Variants in IFT57 observed in about 807,000 individuals in gnomAD.
IFT57 encodes intraflagellar transport protein 57 homolog.
IFT57 carries 59 observed loss-of-function variants against 56.8 expected under a neutral mutation model. The observed-to-expected ratio is 1.04, with a 90% confidence interval of 0.84 to 1.29. The LOEUF is 1.29. Ranked by LOEUF, IFT57 falls within the 50% of genes most tolerant of loss-of-function variation. The pLI is 0.00. For synonymous variants in IFT57, 209 were observed against 186.1 expected (o/e 1.12, Z -1.00); for missense variants, 470 against 522.1 (o/e 0.90, Z 0.97).
At chr3:108,202,691 G>A (rs969032356) in intron 5 of IFT57, among the ~76,000 whole-genome samples, 12 of 152,230 alleles carry the variant, frequency 7.9e-5, no homozygotes, top group Admixed American at 6.5e-5. Flanking sequence ...GGAAGATGAA[G>A]CAATGCCTCA....
At chr3:108,175,832 G>A (rs326333) in intron 6 of IFT57, among the ~76,000 whole-genome samples, 68,641 of 151,362 alleles carry the variant, frequency 0.45, 16,025 homozygotes, top group Middle Eastern at 0.55. Context: ...CTTTGCGAGT[G>A]GAGAGGCATA....
chr3:108,173,231 G>A (rs1440622127), intron 6 of IFT57, among the ~76,000 whole-genome samples: 3 of 151,560 alleles, frequency 2.0e-5, no homozygotes, highest in Admixed American at 1.3e-4. Context: ...GTGATACACT[G>A]TTTGGGGATA....
At chr3:108,173,811 T>TAC (rs2080108485) in intron 6 of IFT57, among the ~76,000 whole-genome samples, 1 of 115,262 alleles carries the variant, frequency 8.7e-6, no homozygotes, top group Non-Finnish European at 1.9e-5. Context: ...TGTGTGTGTA[T>TAC]ATAATATAGT....
At chr3:108,183,436 C>T (rs1239111021) in intron 6 of IFT57, among the ~76,000 whole-genome samples, 3 of 152,158 alleles carry the variant, frequency 2.0e-5, no homozygotes, top group East Asian at 1.9e-4. Context: ...GGCTTCCCCA[C>T]TTTTGTGTGC....
At chr3:108,173,439 A>G (rs931688549) in intron 6 of IFT57, among the ~76,000 whole-genome samples, 1 of 151,720 alleles carries the variant, frequency 6.6e-6, no homozygotes, top group Non-Finnish European at 1.5e-5. Context: ...ATGGGGTACA[A>G]CCTGATACAC....
At chr3:108,167,255 C>A in intron 7 of IFT57, 1 of 307,648 alleles carries the variant, frequency 3.3e-6, no homozygotes, top group Non-Finnish European at 6.0e-6. Flanking sequence ...CTATAATTAG[C>A]ATTATATAAC....
At position 108,216,704 on chromosome 3, in the gene IFT57, A is replaced by G. The variant is rs553900587; in HGVS notation, c.494+1831T>C. 5.9e-5 allele frequency among the ~76,000 whole-genome samples: 9 copies of G among 152,358 alleles called. No individual in the cohort carries two copies. The South Asian group carries it at 1.4e-3, about 25-fold the overall frequency. ...TGTTTATTGCAGCACTATTCACAAT[A>G]CTCAAGATACGGAATCTGCCTAAGT... On this transcript the variant is annotated intron_variant, in intron 3 of 10. Coordinates refer to ENST00000264538, the MANE Select transcript of IFT57 (RefSeq NM_018010.4).
intron 5 of IFT57, among the ~76,000 whole-genome samples, chr3:108,202,031 T>C (rs2108321970): frequency 6.6e-6 from 1 of 152,372 alleles, no homozygotes; most frequent in Admixed American, 6.5e-5. Flanking sequence ...TTACACTGTG[T>C]AACTCAGGAT....
chr3:108,184,700 CTTA>C (rs1560109810), intron 6 of IFT57, among the ~76,000 whole-genome samples: 2 of 152,098 alleles, frequency 1.3e-5, no homozygotes, highest in African/African-American at 2.4e-5. Flanking sequence ...GTAGCCACCT[CTTA>C]TTATTGTGAT....
In IFT57 at chr3:108,191,661, T is replaced by G; in HGVS notation, c.655-18A>C. ...TTCATATCCTAAGAAAGGAAAGATATCACAAGATTGAGAGTTTATAAAAAG... is the reference window on the plus strand; with the variant it reads ...TTCATATCCTAAGAAAGGAAAGATAGCACAAGATTGAGAGTTTATAAAAAG... On this transcript the variant is annotated intron_variant, in intron 5 of 10. Transcript: ENST00000264538. The G allele has an allele frequency of 6.3e-7, 1 of 1,588,278 alleles. No homozygotes were observed. Among genetic ancestry groups the G allele is most frequent in the South Asian group, 1.1e-5 (1 of 87,310 alleles).
At chr3:108,196,965 T>C (rs1202031359) in intron 5 of IFT57, among the ~76,000 whole-genome samples, 1 of 152,224 alleles carries the variant, frequency 6.6e-6, no homozygotes, top group East Asian at 1.9e-4. Context: ...AGAAAATTTT[T>C]CTTCCCAATT....
intron 5 of IFT57, among the ~76,000 whole-genome samples, chr3:108,198,592 C>T (rs1424194905): frequency 6.6e-6 from 1 of 152,102 alleles, no homozygotes; most frequent in African/African-American, 2.4e-5. Flanking sequence ...CAGGCATGCA[C>T]CACCATGCCT....
At chr3:108,211,529 T>A (rs1173196999) in intron 4 of IFT57, among the ~76,000 whole-genome samples, 1 of 152,252 alleles carries the variant, frequency 6.6e-6, no homozygotes. Context: ...AGTTTCTTTC[T>A]GCCTTCAAAG....
chr3:108,179,951 G>T (rs2080143513), intron 6 of IFT57, among the ~76,000 whole-genome samples: 1 of 151,934 alleles, frequency 6.6e-6, no homozygotes, highest in Non-Finnish European at 1.5e-5. Flanking sequence ...ATTTGTTGCA[G>T]GCAATGTGGG....
At chr3:108,215,058 G>A (rs111649994) in intron 3 of IFT57, among the ~76,000 whole-genome samples, 10 of 151,900 alleles carry the variant, frequency 6.6e-5, no homozygotes, top group Non-Finnish European at 1.3e-4. Flanking sequence ...TTTAACATAG[G>A]TAATAAGAAG....
intron 6 of IFT57, among the ~76,000 whole-genome samples, 175 bp from the exon 7 acceptor site, chr3:108,168,039 A>T (rs1429273797): frequency 6.6e-6 from 1 of 151,908 alleles, no homozygotes; most frequent in African/African-American, 2.4e-5. Context: ...GCACTTTAGG[A>T]TAAAAGGTTC....
At chr3:108,173,779 T>C (rs2108310752) in intron 6 of IFT57, among the ~76,000 whole-genome samples, 1 of 146,480 alleles carries the variant, frequency 6.8e-6, no homozygotes, top group Non-Finnish European at 1.5e-5. Flanking sequence ...TGTGTGTGTG[T>C]GTGTGTGTGT....
At chr3:108,165,580 C>T in intron 8 of IFT57, 87 bp from the exon 9 acceptor site, 1 of 1,004,806 alleles carries the variant, frequency 1.0e-6, no homozygotes, top group Non-Finnish European at 1.6e-6. Flanking sequence ...GCAATTTCTG[C>T]AGGTCATTTT....
intron 5 of IFT57, among the ~76,000 whole-genome samples, chr3:108,203,225 A>G (rs1335487315): frequency 6.6e-6 from 1 of 152,214 alleles, no homozygotes; most frequent in African/African-American, 2.4e-5. Flanking sequence ...TCAGGCCCGT[A>G]TCACAGCATG....
Sources: allele counts gnomAD v4.1 joint callset (sites outside exome capture counted in the v4.1 genomes callset), GRCh38; gene constraint gnomAD v4.1.1; transcripts MANE v1.5; gene names NCBI Gene and HGNC (gene_info 2026-07-23, HGNC 2026-07-21).